TC2N: variants seen among roughly 807,000 people sequenced by gnomAD.
TC2N encodes tandem C2 domains, nuclear.
In TC2N, 51 loss-of-function variants were observed where a neutral mutation model predicts 61.9. The observed-to-expected ratio is 0.82, with a 90% CI of 0.66 to 1.04. The LOEUF is 1.04. Among genes scored for constraint, TC2N ranks in the 50% least tolerant of loss-of-function variants. TC2N has a pLI of 0.00. For missense variants in TC2N, 556 were observed against 566.7 expected (o/e 0.98, Z 0.19); for synonymous variants, 204 against 192.6 (o/e 1.06, Z -0.49).
At position 91,867,340 on chromosome 14, in the gene TC2N, A is replaced by T. The variant is rs1366542883; in HGVS notation, c.-135T>A. 1 of 152,204 alleles carries T rather than the reference A, an allele frequency of 6.6e-6. No individual in the cohort carries two copies. Among genetic ancestry groups the T allele is most frequent in the Non-Finnish European group, 1.5e-5 (1 of 68,120 alleles). The allele number at this position is 152,204 out of a possible 1,614,324, so 9.4% of individuals were successfully genotyped here. On this transcript the variant is annotated 5_prime_UTR_variant, in exon 1 of 12. Coordinates refer to ENST00000435962, the MANE Select transcript of TC2N (RefSeq NM_001128596.3). The stretch of plus-strand genomic sequence containing the variant: ...CTCACGTAAACCTTCAGCATTTCTG[A>T]TTCCATCCTTCTTCCCAGCCCCTGA...
At chr14:91,850,607 G>A (rs190472281) in intron 1 of TC2N, among the ~76,000 whole-genome samples, 32 of 152,308 alleles carry the variant, frequency 2.1e-4, no homozygotes, top group Non-Finnish European at 3.2e-4. Context: ...AACTGCGCAC[G>A]TGAGGGATCT....
chr14:91,806,664 C>A (rs1239277963), intron 3 of TC2N, among the ~76,000 whole-genome samples: 2 of 152,048 alleles, frequency 1.3e-5, no homozygotes, highest in Non-Finnish European at 2.9e-5. Context: ...CAAGAGGTGA[C>A]CTGGCTGCTG....
chr14:91,798,062 ATATTC>A lies in TC2N; in HGVS notation c.739-166_739-162del, dbSNP rs1382209713. Among the ~76,000 whole-genome samples the A allele has an allele frequency of 3.9e-5, 6 of 152,108 alleles. No homozygotes were observed. The East Asian group carries it at 1.2e-3, about 29-fold the overall frequency. Reference sequence around the variant, plus strand: ...CACATTAAGCAAATTTTGACATATAATATTCTAGATGTTATGTCAATTTCCCTCTT... The same window carrying A: ...CACATTAAGCAAATTTTGACATATAATAGATGTTATGTCAATTTCCCTCTT... On this transcript the variant is annotated intron_variant, in intron 7 of 11. Coordinates refer to ENST00000435962, the MANE Select transcript of TC2N (RefSeq NM_001128596.3).
intron 10 of TC2N, among the ~76,000 whole-genome samples, chr14:91,786,950 T>G (rs954122779): frequency 6.6e-6 from 1 of 152,178 alleles, no homozygotes; most frequent in African/African-American, 2.4e-5. Flanking sequence ...CATTTATTTT[T>G]AGTCTTTCTA....
At chr14:91,839,035 A>G (rs1248816019) in intron 1 of TC2N, among the ~76,000 whole-genome samples, 1 of 152,252 alleles carries the variant, frequency 6.6e-6, no homozygotes, top group Non-Finnish European at 1.5e-5. Context: ...TAGACTGGTC[A>G]ATATGGATAA....
chr14:91,837,202 A>AG lies in TC2N; in HGVS notation c.-56-23378_-56-23377insC, dbSNP rs1217094455. 6.6e-6 allele frequency among the ~76,000 whole-genome samples: 1 copy of AG among 152,184 alleles called. No homozygotes were observed. The highest frequency in any genetic ancestry group is 2.4e-5 in the African/African-American group (1 of 41,438). On this transcript the variant is annotated intron_variant, in intron 1 of 11. Transcript: ENST00000435962. The surrounding 1 kb of genome is among the most constrained non-coding windows in gnomAD (Gnocchi z 4.2). The stretch of plus-strand genomic sequence containing the variant: ...GGAAATGAGTTTCCTAGACTGTCTG[A>AG]TGAAGAATGGCTTAGCATTTTTTGT...
intron 6 of TC2N, 88 bp from the exon 7 acceptor site, chr14:91,798,487 C>A: frequency 1.4e-6 from 1 of 726,374 alleles, no homozygotes; most frequent in Non-Finnish European, 2.4e-6. Context: ...TTTAAGAGCA[C>A]AATTTTAAAA....
chr14:91,795,764 G>A (rs556405578), intron 8 of TC2N, among the ~76,000 whole-genome samples: 7 of 152,078 alleles, frequency 4.6e-5, no homozygotes, highest in South Asian at 2.1e-4. Flanking sequence ...CAGTATCTCC[G>A]AAGTATGCCT....
At position 91,799,029 on chromosome 14, in the gene TC2N, A is replaced by T; in HGVS notation, c.597T>A (p.Ser199=). The change falls in exon 6 of 12, where the codon TCT becomes TCA. Residue 199 remains serine (S), a synonymous_variant. Coordinates refer to ENST00000435962, the MANE Select transcript of TC2N (RefSeq NM_001128596.3). ...TCCCCTGAGAATTTTTCCTTGAAGAAGAACTACTGGGTACACTGGACAATG... is the reference window on the plus strand; with the variant it reads ...TCCCCTGAGAATTTTTCCTTGAAGATGAACTACTGGGTACACTGGACAATG... The part of the protein sequence containing the change: ...HDSLSSVPSS[S]SSRKNSQGSN... 1 of 1,597,918 alleles carries T rather than the reference A, an allele frequency of 6.3e-7. No individual in the cohort carries two copies. Among genetic ancestry groups the T allele is most frequent in the Non-Finnish European group, 8.5e-7 (1 of 1,173,568 alleles).
Position 91,797,225 on chromosome 14 carries a change from TTA to T in TC2N, c.855+558_855+559del, listed in dbSNP as rs1288585693. ...ATGATTAATAGTGAGAAGAAACTTT[TTA>T]TATGTTTATTAGTCATTTGAATGAT... On this transcript the variant is annotated intron_variant, in intron 8 of 11. Coordinates refer to ENST00000435962, the MANE Select transcript of TC2N (RefSeq NM_001128596.3). Among the ~76,000 whole-genome samples, 8 of 152,076 alleles carry T rather than the reference TTA, an allele frequency of 5.3e-5. No homozygotes were observed. In the East Asian group the frequency reaches 5.8e-4, roughly 11 times the overall value.
Position 91,812,558 on chromosome 14 carries a change from G to GAA in TC2N, c.68-15_68-14dup. ...CTTTCCACAGAAACTGCATATAAAAGAAAAAAAAAGTCACAAATATGAATA... is the reference window on the plus strand; with the variant it reads ...CTTTCCACAGAAACTGCATATAAAAGAAAAAAAAAAAGTCACAAATATGAATA... On this transcript the variant is annotated splice_polypyrimidine_tract_variant and intron_variant, in intron 2 of 11. Transcript: ENST00000435962. 1 of 1,307,106 alleles carries GAA rather than the reference G, an allele frequency of 7.7e-7. No homozygotes were observed. Among genetic ancestry groups the GAA allele is most frequent in the Non-Finnish European group, 1.1e-6 (1 of 932,948 alleles). The allele number at this position is 1,307,106 out of a possible 1,614,324, so 81.0% of individuals were successfully genotyped here.
chr14:91,860,009 T>A (rs1888559584), intron 1 of TC2N, among the ~76,000 whole-genome samples: 1 of 152,194 alleles, frequency 6.6e-6, no homozygotes, highest in South Asian at 2.1e-4. Flanking sequence ...TCTTAACCTG[T>A]GGGCAGAGGG....
intron 1 of TC2N, among the ~76,000 whole-genome samples, chr14:91,820,545 G>GAA (rs879836561): frequency 7.1e-6 from 1 of 140,820 alleles, no homozygotes; most frequent in African/African-American, 2.6e-5. Flanking sequence ...CTAAAGCCAG[G>GAA]AAAAAAAAAA....
At chr14:91,853,602 C>A (rs1290570465) in intron 1 of TC2N, among the ~76,000 whole-genome samples, 1 of 148,542 alleles carries the variant, frequency 6.7e-6, no homozygotes, top group Admixed American at 6.8e-5. Context: ...AGAGTTCATG[C>A]TGCCCTTCAC....
intron 1 of TC2N, among the ~76,000 whole-genome samples, chr14:91,815,801 AG>A (rs1177674087): frequency 3.3e-5 from 5 of 151,708 alleles, no homozygotes; most frequent in Non-Finnish European, 3.0e-5. Flanking sequence ...CAAAGGACTT[AG>A]GAGTTAACTT....
In TC2N at chr14:91,812,418, T is replaced by A; in HGVS notation, c.195A>T (p.Lys65Asn). Reference protein sequence around the residue: ...LGCTEDYLLSKLPSDGKEVPF... With the variant: ...LGCTEDYLLSNLPSDGKEVPF... The stretch of plus-strand genomic sequence containing the variant: ...GTACTTCTTTGCCATCAGATGGTAA[T>A]TTGGAAAGCAAATAATCCTCAGTAC... The change falls in exon 3 of 12, where the codon AAA (lysine) becomes AAT (asparagine). Residue 65 changes from lysine (K) to asparagine (N), a missense_variant. Lys to Asn is a moderately conservative substitution (Grantham distance 94, BLOSUM62 0). Transcript: ENST00000435962. 1 of 1,612,678 alleles carries A rather than the reference T, an allele frequency of 6.2e-7. No homozygotes were observed.
At chr14:91,831,291 T>C (rs1459244432) in intron 1 of TC2N, among the ~76,000 whole-genome samples, 1 of 152,224 alleles carries the variant, frequency 6.6e-6, no homozygotes, top group Non-Finnish European at 1.5e-5. Flanking sequence ...TAGGAAAGGA[T>C]TTGCAGCCTG....
intron 1 of TC2N, among the ~76,000 whole-genome samples, chr14:91,815,701 T>G (rs906500084): frequency 6.6e-6 from 1 of 151,698 alleles, no homozygotes; most frequent in African/African-American, 2.4e-5. Flanking sequence ...TGCCTCCCCA[T>G]ATACCCTGTC....
intron 1 of TC2N, among the ~76,000 whole-genome samples, chr14:91,854,343 GAAATA>G (rs938085486): frequency 3.5e-5 from 5 of 141,492 alleles, no homozygotes; most frequent in African/African-American, 1.3e-4. Context: ...ACGAGGATAA[GAAATA>G]AAATAAAATA....
Sources: allele counts gnomAD v4.1 joint callset (sites outside exome capture counted in the v4.1 genomes callset), GRCh38; gene constraint gnomAD v4.1.1; non-coding constraint Gnocchi (gnomAD v3.1); transcripts MANE v1.5; gene names NCBI Gene and HGNC (gene_info 2026-07-23, HGNC 2026-07-21).